IMMP2L: variants seen among roughly 807,000 people sequenced by gnomAD.
IMMP2L encodes the protein inner mitochondrial membrane peptidase subunit 2.
In IMMP2L, 18 loss-of-function variants were observed where a neutral mutation model predicts 19.3. The observed-to-expected ratio is 0.93, with a 90% CI of 0.64 to 1.38. The LOEUF (loss-of-function observed/expected upper bound fraction) is 1.38, where lower values mean the gene tolerates loss of function less well. Ranked by LOEUF, IMMP2L falls within the 40% of genes most tolerant of loss-of-function variation. IMMP2L has a pLI of 0.00. For synonymous variants in IMMP2L, 76 were observed against 73.0 expected, an observed-to-expected ratio of 1.04 and a Z score of -0.21; for missense variants, 233 against 218.2, an observed-to-expected ratio of 1.07 and a Z score of -0.43.
chr7:111,425,774 A>G (rs1836013237), intron 3 of IMMP2L, among the ~76,000 whole-genome samples: 1 of 151,272 alleles, frequency 6.6e-6, no homozygotes, highest in Non-Finnish European at 1.5e-5. Flanking sequence ...ATTTTGAACC[A>G]TAATCTTAGT....
intron 3 of IMMP2L, among the ~76,000 whole-genome samples, chr7:111,102,953 AC>A (rs1252199291): frequency 1.3e-5 from 2 of 151,522 alleles, no homozygotes; most frequent in African/African-American, 4.8e-5. Flanking sequence ...ATAGTATAGG[AC>A]AATGAGCACT....
intron 3 of IMMP2L, among the ~76,000 whole-genome samples, chr7:110,978,631 A>T (rs1820941040): frequency 6.6e-6 from 1 of 152,112 alleles, no homozygotes. Context: ...TTCTAAAATG[A>T]GATAAAAAGA....
chr7:110,770,114 G>C (rs1584773835), intron 5 of IMMP2L, among the ~76,000 whole-genome samples: 1 of 152,308 alleles, frequency 6.6e-6, no homozygotes, highest in East Asian at 1.9e-4. Context: ...AAGGGACTTA[G>C]AGAGTTGAAT....
chr7:111,439,631 T>C (rs1837522157), intron 3 of IMMP2L, among the ~76,000 whole-genome samples: 1 of 151,964 alleles, frequency 6.6e-6, no homozygotes, highest in Admixed American at 6.5e-5. Flanking sequence ...TGTAATCTTT[T>C]AGCTGTGGAA....
Position 111,194,581 on chromosome 7 carries a change from A to C in IMMP2L, c.240-231016T>G, listed in dbSNP as rs78935524. On this transcript the variant is annotated intron_variant, in intron 3 of 5. Transcript: ENST00000405709. ...TTTATCACAAAAGCCACTACCTGCC[A>C]CAATCCCCAGTCCACAACAAGTACT... 1.4e-3 allele frequency among the ~76,000 whole-genome samples: 207 copies of C among 152,280 alleles called. 3 individuals are homozygous for C. The East Asian group carries it at 0.036, about 26-fold the overall frequency.
At chr7:110,939,666 A>G (rs947977346) in intron 4 of IMMP2L, among the ~76,000 whole-genome samples, 1 of 152,150 alleles carries the variant, frequency 6.6e-6, no homozygotes, top group Non-Finnish European at 1.5e-5. Context: ...GTCCTTTAGA[A>G]AAGCATGCCT....
chr7:110,753,753 GGTGT>G (rs948670332), intron 5 of IMMP2L, among the ~76,000 whole-genome samples: 19 of 147,044 alleles, frequency 1.3e-4, no homozygotes, highest in African/African-American at 2.4e-4. Flanking sequence ...GTGAGTGTGG[GGTGT>G]GTGTGTGTGT....
At chr7:111,500,991 G>A (rs1236651768) in intron 2 of IMMP2L, among the ~76,000 whole-genome samples, 1 of 152,178 alleles carries the variant, frequency 6.6e-6, no homozygotes, top group Admixed American at 6.5e-5. Flanking sequence ...TTGACGAGTT[G>A]AGAGAAGAAG....
chr7:111,282,130 TA>T (rs1157789958), intron 3 of IMMP2L, among the ~76,000 whole-genome samples: 1 of 152,094 alleles, frequency 6.6e-6, no homozygotes, highest in Non-Finnish European at 1.5e-5. Context: ...TCATAAAGCT[TA>T]TAAGACTAAT....
chr7:110,960,827 C>T (rs1406141425), intron 4 of IMMP2L, among the ~76,000 whole-genome samples: 1 of 151,874 alleles, frequency 6.6e-6, no homozygotes, highest in Non-Finnish European at 1.5e-5. Context: ...AATCAAAGAA[C>T]CTCTTATAAC....
At chr7:111,128,042 C>T (rs1801487907) in intron 3 of IMMP2L, among the ~76,000 whole-genome samples, 1 of 152,024 alleles carries the variant, frequency 6.6e-6, no homozygotes. Context: ...ATTTATGGTA[C>T]ATATACTAGT....
chr7:111,540,023 A>G (rs1848377043), intron 1 of IMMP2L, among the ~76,000 whole-genome samples: 1 of 152,122 alleles, frequency 6.6e-6, no homozygotes, highest in African/African-American at 2.4e-5. Context: ...ATAACAGAAC[A>G]CCAAAATAAT....
At chr7:110,990,648 C>T (rs1822358845) in intron 3 of IMMP2L, among the ~76,000 whole-genome samples, 1 of 152,160 alleles carries the variant, frequency 6.6e-6, no homozygotes, top group African/African-American at 2.4e-5. Context: ...AAATCCAACC[C>T]TTCATTATCT....
intron 3 of IMMP2L, among the ~76,000 whole-genome samples, chr7:111,078,759 C>A (rs1795628478): frequency 6.6e-6 from 1 of 151,940 alleles, no homozygotes. Flanking sequence ...AAGATGGAAT[C>A]TTGCTCTGTC....
At chr7:110,972,284 A>G (rs1217978521) in intron 3 of IMMP2L, among the ~76,000 whole-genome samples, 1 of 152,116 alleles carries the variant, frequency 6.6e-6, no homozygotes, top group Non-Finnish European at 1.5e-5. Context: ...AGCTAGCTCC[A>G]GTTGCTACAT....
At chr7:111,369,407 G>T (rs530104146) in intron 3 of IMMP2L, among the ~76,000 whole-genome samples, 6 of 151,726 alleles carry the variant, frequency 4.0e-5, no homozygotes. Context: ...AATTACTAAG[G>T]AATATATTCA....
intron 3 of IMMP2L, among the ~76,000 whole-genome samples, chr7:111,298,746 G>A (rs1225582347): frequency 2.1e-5 from 3 of 141,112 alleles, no homozygotes; most frequent in Admixed American, 1.5e-4. Context: ...GTGACAGAGC[G>A]AGACTCTGCC....
intron 3 of IMMP2L, among the ~76,000 whole-genome samples, chr7:111,416,783 A>C (rs1171893231): frequency 6.6e-6 from 1 of 151,776 alleles, no homozygotes; most frequent in Non-Finnish European, 1.5e-5. Context: ...CTCAGTAGGC[A>C]ATACATGAAT....
At chr7:110,725,474 G>A (rs926646913) in intron 5 of IMMP2L, among the ~76,000 whole-genome samples, 1 of 151,282 alleles carries the variant, frequency 6.6e-6, no homozygotes, top group Non-Finnish European at 1.5e-5. Flanking sequence ...ATTTTCCTTC[G>A]ACATCCAAAT....
Sources: gnomAD v4.1 joint callset for allele counts (sites outside exome capture counted in the v4.1 genomes callset) on GRCh38, gnomAD v4.1.1 for gene constraint, MANE v1.5 for transcripts, NCBI Gene and HGNC (gene_info 2026-07-23, HGNC 2026-07-21) for gene names.